NPHP1: variants seen among roughly 807,000 people sequenced by gnomAD.
The protein encoded by NPHP1 is nephrocystin 1.
A neutral mutation model predicts 90.4 loss-of-function variants in NPHP1; 70 were observed. The ratio of observed to expected loss-of-function variants is 0.77; its 90% CI spans 0.64 to 0.95. The LOEUF (loss-of-function observed/expected upper bound fraction) is 0.95. Among genes scored for constraint, NPHP1 ranks in the 40% least tolerant of loss-of-function variants. NPHP1 has a pLI of 0.00. For synonymous variants in NPHP1, 256 were observed against 271.7 expected (o/e 0.94, Z 0.57); for missense variants, 764 against 795.9 (o/e 0.96, Z 0.48).
intron 14 of NPHP1, among the ~76,000 whole-genome samples, chr2:110,145,205 A>G (rs1415365233): frequency 6.6e-6 from 1 of 152,168 alleles, no homozygotes; most frequent in East Asian, 1.9e-4. Context: ...TGTAGAAAGA[A>G]GAAGGTAAAA....
rs1197548733 is a variant in NPHP1 at position 110,129,198 on chromosome 2, C to T, written c.1704G>A (p.Met568Ile). ...GCATGCTACCCACCCTGAGAGCATCCATCACATCAGGCTGCTCCAAGAGCA... is the reference window on the plus strand; with the variant it reads ...GCATGCTACCCACCCTGAGAGCATCTATCACATCAGGCTGCTCCAAGAGCA... ...FPMLLEQPDVMDALRSSWAGK... is the reference protein window; with the variant it reads ...FPMLLEQPDVIDALRSSWAGK... The change falls in exon 18 of 20, where the codon ATG (methionine) becomes ATA (isoleucine). Residue 568 changes from methionine to isoleucine, a missense_variant. Transcript: ENST00000445609. 1 of 1,612,862 alleles carries T rather than the reference C, an allele frequency of 6.2e-7. No individual in the cohort carries two copies. Among genetic ancestry groups the T allele is most frequent in the East Asian group, 2.2e-5 (1 of 44,882 alleles).
At chr2:110,146,985 C>A (rs1378908747) in intron 13 of NPHP1, 150 bp from the exon 14 acceptor site, 1 of 671,572 alleles carries the variant, frequency 1.5e-6, no homozygotes, top group Non-Finnish European at 2.7e-6. Flanking sequence ...ACAGTAGAAT[C>A]TCATTTTGCC....
intron 2 of NPHP1, among the ~76,000 whole-genome samples, chr2:110,190,729 G>A (rs889490038): frequency 2.6e-5 from 4 of 152,216 alleles, no homozygotes; most frequent in African/African-American, 9.6e-5. Flanking sequence ...CGAGGGCTGT[G>A]AGGACTGCCA....
At chr2:110,161,820 C>T in intron 9 of NPHP1, 123 bp from the exon 10 acceptor site, 1 of 672,690 alleles carries the variant, frequency 1.5e-6, no homozygotes, top group Non-Finnish European at 2.6e-6. Context: ...TTACTAAGAA[C>T]TTGCTTTCCA....
intron 12 of NPHP1, among the ~76,000 whole-genome samples, chr2:110,149,092 C>T (rs910480165): frequency 6.6e-6 from 1 of 152,140 alleles, no homozygotes; most frequent in African/African-American, 2.4e-5. Context: ...AGGTAATGTA[C>T]GTAAGAGCCT....
Position 110,160,193 on chromosome 2 carries a change from A to AG in NPHP1, c.1016dup (p.Leu340SerfsTer19), listed in dbSNP as rs398123285. 1 of 1,612,500 alleles carries AG rather than the reference A, an allele frequency of 6.2e-7. No homozygotes were observed. The highest frequency in any genetic ancestry group is 8.5e-7 in the Non-Finnish European group (1 of 1,178,614). On this transcript the variant is annotated frameshift_variant, in exon 11 of 20. Coordinates refer to ENST00000445609, the MANE Select transcript of NPHP1 (RefSeq NM_001128178.3). LOFTEE classifies it high-confidence loss of function. Reference sequence around the variant, plus strand: ...GAACCTGTATGCTCATTCCTGGAAGAGGAATCATTTTACAGCTCCATAATG... The same window carrying AG: ...GAACCTGTATGCTCATTCCTGGAAGAGGGAATCATTTTACAGCTCCATAATG...
At chr2:110,193,089 C>G (rs1684868853) in intron 2 of NPHP1, among the ~76,000 whole-genome samples, 1 of 152,156 alleles carries the variant, frequency 6.6e-6, no homozygotes, top group Non-Finnish European at 1.5e-5. Context: ...TAGGAAGAAA[C>G]TGCATCAACT....
chr2:110,169,206 T>C (rs115244439), intron 5 of NPHP1, among the ~76,000 whole-genome samples: 1,561 of 152,238 alleles, frequency 0.01, 26 homozygotes, highest in African/African-American at 0.036. Context: ...AATCAAACCA[T>C]ATAATTATTT....
chr2:110,139,411 C>A (rs1027901102), intron 16 of NPHP1, among the ~76,000 whole-genome samples: 1 of 152,156 alleles, frequency 6.6e-6, no homozygotes, highest in Non-Finnish European at 1.5e-5. Flanking sequence ...GAAACTGAAG[C>A]ATCTATTTGC....
At chr2:110,203,570 T>C (rs1396210083) in intron 1 of NPHP1, among the ~76,000 whole-genome samples, 1 of 152,084 alleles carries the variant, frequency 6.6e-6, no homozygotes, top group Non-Finnish European at 1.5e-5. Flanking sequence ...ACCTAAATAT[T>C]TACCTTCCAA....
rs1679129242 is a variant in NPHP1 at position 110,123,562 on chromosome 2, ACT to A, written c.*227_*228del. 3 of 447,410 alleles carry A rather than the reference ACT, an allele frequency of 6.7e-6. No individual in the cohort carries two copies. The allele number at this position is 447,410 out of a possible 1,614,324, so 27.7% of individuals were successfully genotyped here. A position where few individuals can be genotyped will look rare whatever the true frequency, so the allele number is the denominator to read the frequency against. ...AGTAGCTGTTTTTGAAAAAATAAAT[ACT>A]GTTTAAATTTAGATATAACAGTATT... On this transcript the variant is annotated 3_prime_UTR_variant, in exon 20 of 20. Transcript: ENST00000445609.
At chr2:110,125,242 A>G (rs769483039) in intron 19 of NPHP1, 3 of 1,536,060 alleles carry the variant, frequency 2.0e-6, no homozygotes, top group Non-Finnish European at 2.6e-6. Flanking sequence ...CAAGGTAAGC[A>G]GGAGCAATGC....
At chr2:110,175,688 T>C (rs1285395360) in intron 4 of NPHP1, among the ~76,000 whole-genome samples, 2 of 152,086 alleles carry the variant, frequency 1.3e-5, no homozygotes, top group Non-Finnish European at 2.9e-5. Flanking sequence ...GGTTTCTTTA[T>C]ATTGATTCTG....
At chr2:110,125,171 A>G in intron 19 of NPHP1, 1 of 1,522,382 alleles carries the variant, frequency 6.6e-7, no homozygotes, top group African/African-American at 1.4e-5. Flanking sequence ...GGATGAGAGC[A>G]GTCAAACCAC....
At chr2:110,190,153 G>A (rs1212361760) in intron 2 of NPHP1, among the ~76,000 whole-genome samples, 5 of 152,184 alleles carry the variant, frequency 3.3e-5, no homozygotes, top group Admixed American at 2.6e-4. Flanking sequence ...CCAGACTCAG[G>A]AGCCCAGCTG....
chr2:110,172,473 C>T (rs935538405), intron 4 of NPHP1, among the ~76,000 whole-genome samples: 3 of 151,850 alleles, frequency 2.0e-5, no homozygotes, highest in African/African-American at 4.8e-5. Flanking sequence ...TTTTTTCAAA[C>T]TATACATTTA....
chr2:110,149,675 A>T (rs1241173086), intron 12 of NPHP1, among the ~76,000 whole-genome samples: 1 of 152,206 alleles, frequency 6.6e-6, no homozygotes. Flanking sequence ...GAGGTAGACG[A>T]AAGTAATGTA....
intron 2 of NPHP1, chr2:110,185,070 C>T (rs1475385288): frequency 1.8e-5 from 11 of 595,984 alleles, no homozygotes; most frequent in South Asian, 4.1e-5. Flanking sequence ...CTGTATTCCA[C>T]GTGGATTGAG....
intron 1 of NPHP1, 94 bp from the exon 2 acceptor site, chr2:110,201,588 TTTTAAACA>T: frequency 1.2e-6 from 1 of 869,384 alleles, no homozygotes; most frequent in East Asian, 2.6e-5. Flanking sequence ...TAATGAACAC[TTTTAAACA>T]TACAACAAAG....
Sources: allele counts gnomAD v4.1 joint callset (sites outside exome capture counted in the v4.1 genomes callset), GRCh38; gene constraint gnomAD v4.1.1; transcripts MANE v1.5; gene names NCBI Gene and HGNC (gene_info 2026-07-23, HGNC 2026-07-21).